The following ASB8 variants were observed in gnomAD, a reference collection of about 807,000 sequenced individuals.
ASB8 encodes the protein ankyrin repeat and SOCS box protein 8.
In ASB8, 15 loss-of-function variants were observed where a neutral mutation model predicts 22.9. The observed-to-expected ratio is 0.66, with a 90% CI of 0.44 to 1.01. The LOEUF is 1.01. Ranked by LOEUF, ASB8 falls within the 50% of genes least tolerant of loss-of-function variation. ASB8 has a pLI of 0.00. For synonymous variants in ASB8, 124 were observed against 140.8 expected (o/e 0.88, Z 0.84); for missense variants, 294 against 356.9 (o/e 0.82, Z 1.42).
At chr12:48,150,340 C>T (rs531485038) in intron 3 of ASB8, among the ~76,000 whole-genome samples, 12 of 152,302 alleles carry the variant, frequency 7.9e-5, no homozygotes, top group East Asian at 5.8e-4. Flanking sequence ...TCTAAGTCCC[C>T]GTAACTGCTC....
At chr12:48,151,560 G>A in intron 2 of ASB8, 1 of 1,473,258 alleles carries the variant, frequency 6.8e-7, no homozygotes. Flanking sequence ...CTGCCAGATG[G>A]TCACCTGGAC....
Position 48,149,705 on chromosome 12 carries a change from C to A in ASB8, c.528G>T (p.Glu176Asp). The A allele has an allele frequency of 6.2e-7, 1 of 1,614,118 alleles. No homozygotes were observed. Among genetic ancestry groups the A allele is most frequent in the Non-Finnish European group, 8.5e-7 (1 of 1,179,992 alleles). ...GGCCTATTAGGTTGATGACTCTGAC[C>A]TCTGCGCCATAATCCAGAAGGATGC... Reference protein sequence around the residue: ...SVSILLDYGAEVRVINLIGQT... With the variant: ...SVSILLDYGADVRVINLIGQT... Residue 176 changes from glutamate (E) to aspartate (D), a missense_variant, in exon 4 of 4, where the codon GAG (glutamate) becomes GAT (aspartate). By Grantham distance (45) the Glu-to-Asp change is conservative. Transcript: ENST00000317697.
intron 1 of ASB8, 134 bp downstream of exon 1, chr12:48,157,325 C>T (rs953967425): frequency 2.0e-5 from 3 of 152,276 alleles, no homozygotes; most frequent in South Asian, 4.1e-4. Context: ...TTCGATCTGC[C>T]TTCTAAGGCC....
chr12:48,148,658 G>GTTTTTTTTTTTTTTTTTTTTTTTTTTTTT lies in ASB8; in HGVS notation c.*707_*708insAAAAAAAAAAAAAAAAAAAAAAAAAAAAA. The GTTTTTTTTTTTTTTTTTTTTTTTTTTTTT allele has an allele frequency of 1.6e-5, 1 of 62,756 alleles. No individual in the cohort carries two copies. The highest frequency in any genetic ancestry group is 2.9e-5 in the Non-Finnish European group (1 of 34,518). 3.9% of individuals were successfully genotyped at this position (62,756 alleles called of 1,614,324 possible). On this transcript the variant is annotated 3_prime_UTR_variant, in exon 4 of 4. Coordinates refer to ENST00000317697, the MANE Select transcript of ASB8 (RefSeq NM_024095.5). Reference sequence around the variant, plus strand: ...GTTTTTTCACAGATCAATTAAAATGGTTTTTTTTTTTTTTTTTTTTTTTTG... The same window carrying GTTTTTTTTTTTTTTTTTTTTTTTTTTTTT: ...GTTTTTTCACAGATCAATTAAAATGGTTTTTTTTTTTTTTTTTTTTTTTTTTTTTTTTTTTTTTTTTTTTTTTTTTTTTG...
Position 48,151,479 on chromosome 12 carries a change from G to A in ASB8, c.130-174C>T, listed in dbSNP as rs1951202074. The A allele has an allele frequency of 4.6e-6, 5 of 1,084,340 alleles. No individual in the cohort carries two copies. The Admixed American group carries it at 7.2e-5, about 16-fold the overall frequency. 67.2% of individuals were successfully genotyped at this position (1,084,340 alleles called of 1,614,324 possible). ...TTATGTCAATGTCCAAACCAAAGGA[G>A]TACACTGAAGATGAAGGAAAGGAAC... On this transcript the variant is annotated intron_variant, in intron 2 of 3. Transcript: ENST00000317697.
At chr12:48,153,343 C>T in intron 2 of ASB8, 25 bp downstream of exon 2, 1 of 1,613,132 alleles carries the variant, frequency 6.2e-7, no homozygotes, top group Non-Finnish European at 8.5e-7. Flanking sequence ...CGCAAGGACT[C>T]TCCTGTCAAT....
rs180763091 is a variant in ASB8, at chr12:48,150,318, G to C, written c.235-320C>G. The C allele has an allele frequency of 5.7e-4, 363 of 632,098 alleles. 3 individuals are homozygous for C. The East Asian group carries it at 7.1e-3, about 12-fold the overall frequency. 39.2% of individuals were successfully genotyped at this position (632,098 alleles called of 1,614,324 possible). ...TACCACAGAGTAAGGGGTAAGGCAG[G>C]AATAGAGGAAGTCTAAGTCCCCGTA... On this transcript the variant is annotated intron_variant, in intron 3 of 3. Transcript: ENST00000317697.
chr12:48,156,883 C>T (rs924411775), intron 1 of ASB8, among the ~76,000 whole-genome samples: 2 of 151,538 alleles, frequency 1.3e-5, no homozygotes, highest in African/African-American at 4.9e-5. Context: ...GTTTGATCCC[C>T]TTGGAAGGCC....
intron 2 of ASB8, chr12:48,152,680 A>G (rs1951222635): frequency 6.6e-6 from 1 of 152,198 alleles, no homozygotes; most frequent in Non-Finnish European, 1.5e-5. Flanking sequence ...AGGTATGAAG[A>G]AAGGCTCACA....
At position 48,153,436 on chromosome 12, in the gene ASB8, G is replaced by T. The variant is rs565893897; in HGVS notation, c.61C>A (p.Arg21Ser). Residue 21 changes from arginine to serine, a missense_variant, in exon 2 of 4, where the codon CGC (arginine) becomes AGC (serine). Arg to Ser is a moderately radical substitution (Grantham distance 110). Transcript: ENST00000317697. ...SIQSKYSLSE[R>S]LIRTIAAIRS... The stretch of plus-strand genomic sequence containing the variant: ...ATGGCAGCAATTGTTCGGATTAAGC[G>T]CTCGGAGAGAGAGTATTTGCTCTGA... The T allele has an allele frequency of 1.2e-6, 2 of 1,613,458 alleles. No individual in the cohort carries two copies. Among genetic ancestry groups the T allele is most frequent in the Non-Finnish European group, 1.7e-6 (2 of 1,179,412 alleles).
intron 1 of ASB8, among the ~76,000 whole-genome samples, chr12:48,155,604 C>T (rs1373399518): frequency 6.6e-6 from 1 of 151,184 alleles, no homozygotes; most frequent in Non-Finnish European, 1.5e-5. Context: ...TGCACCACCC[C>T]TGGTAGTCCC....
intron 2 of ASB8, 152 bp from the exon 3 acceptor site, chr12:48,151,457 T>C: frequency 1.0e-6 from 1 of 976,472 alleles, no homozygotes; most frequent in Non-Finnish European, 1.5e-6. Context: ...ATTAATATTA[T>C]GTCAATGTCC....
At chr12:48,157,026 C>T (rs1951317293) in intron 1 of ASB8, 1 of 149,390 alleles carries the variant, frequency 6.7e-6, no homozygotes, top group Non-Finnish European at 1.5e-5. Context: ...AAAGAGAAGA[C>T]ACAACAGCTC....
intron 2 of ASB8, 44 bp downstream of exon 2, chr12:48,153,324 A>G: frequency 6.2e-7 from 1 of 1,605,716 alleles, no homozygotes; most frequent in Non-Finnish European, 8.5e-7. Flanking sequence ...GATTTTGCCC[A>G]CTTCATATCG....
In ASB8 at chr12:48,148,670, T is replaced by TTG. The variant is rs1555210507; in HGVS notation, c.*695_*696insCA. 5.2e-4 allele frequency: 76 copies of TTG among 146,940 alleles called. No homozygotes were observed. Among genetic ancestry groups the TTG allele is most frequent in the Admixed American group, 4.3e-3 (64 of 14,756 alleles). 9.1% of individuals were successfully genotyped at this position (146,940 alleles called of 1,614,324 possible). A position where few individuals can be genotyped will look rare whatever the true frequency, so the allele number is the denominator to read the frequency against. ...ATCAATTAAAATGGTTTTTTTTTTT[T>TTG]TTTTTTTTTTTTGAGACAGTTTTGC... is the stretch of plus-strand genomic sequence containing the variant. On this transcript the variant is annotated 3_prime_UTR_variant, in exon 4 of 4. Transcript: ENST00000317697.
At position 48,149,932 on chromosome 12, in the gene ASB8, C is replaced by G; in HGVS notation, c.301G>C (p.Val101Leu). Residue 101 changes from valine to leucine, a missense_variant, in exon 4 of 4, where the codon GTG becomes CTG. Transcript: ENST00000317697. ...HYAAEKDEAC[V>L]EVLLEYGANP... is the part of the protein sequence containing the mutation. ...GCACCATACTCCAATAGGACCTCCA[C>G]ACAAGCCTCATCTTTCTCTGCTGCA... The G allele has an allele frequency of 6.2e-7, 1 of 1,614,120 alleles. No homozygotes were observed. Among genetic ancestry groups the G allele is most frequent in the Non-Finnish European group, 8.5e-7 (1 of 1,179,932 alleles).
At position 48,151,301 on chromosome 12, in the gene ASB8, G is replaced by A. The variant is rs148159629; in HGVS notation, c.134C>T (p.Ala45Val). The A allele has an allele frequency of 2.5e-6, 4 of 1,611,176 alleles. No homozygotes were observed. Among genetic ancestry groups the A allele is most frequent in the Non-Finnish European group, 3.4e-6 (4 of 1,178,100 alleles). The change falls in exon 3 of 4, where the codon GCA (alanine) becomes GTA (valine). Residue 45 changes from alanine to valine, a missense_variant. Physicochemically the swap from Ala to Val is moderately conservative, Grantham distance 64. Coordinates refer to ENST00000317697, the MANE Select transcript of ASB8 (RefSeq NM_024095.5). ...TGTGCCATGAGTGCAGTTCACATCT[G>A]CTCCCTGTGGGCAGAAGACAACTTC... ...DNVEDLIRGG[A>V]DVNCTHGTLK...
intron 3 of ASB8, 157 bp from the exon 4 acceptor site, chr12:48,150,155 G>A (rs1951176859): frequency 2.5e-6 from 2 of 799,250 alleles, no homozygotes. Context: ...TGATAAAGAT[G>A]AAGATATGAC....
Position 48,149,008 on chromosome 12 carries a change from C to A in ASB8, c.*358G>T, listed in dbSNP as rs1304561061. 1 of 254,100 alleles carries A rather than the reference C, an allele frequency of 3.9e-6. No individual in the cohort carries two copies. The highest frequency in any genetic ancestry group is 2.3e-5 in the African/African-American group (1 of 43,906). The allele number at this position is 254,100 out of a possible 1,614,324, so 15.7% of individuals were successfully genotyped here. A position where few individuals can be genotyped will look rare whatever the true frequency, so the allele number is the denominator to read the frequency against. On this transcript the variant is annotated 3_prime_UTR_variant, in exon 4 of 4. Coordinates refer to ENST00000317697, the MANE Select transcript of ASB8 (RefSeq NM_024095.5). Reference sequence around the variant, plus strand: ...GATTCTTCTGGACCGTTAACCACGTCCCCAAAGGAAAACCACACACACATT... The same window carrying A: ...GATTCTTCTGGACCGTTAACCACGTACCCAAAGGAAAACCACACACACATT...
Sources: gnomAD v4.1 joint callset for allele counts (sites outside exome capture counted in the v4.1 genomes callset) on GRCh38, gnomAD v4.1.1 for gene constraint, MANE v1.5 for transcripts, NCBI Gene and HGNC (gene_info 2026-07-23, HGNC 2026-07-21) for gene names.